FA2H: variants seen among roughly 807,000 people sequenced by gnomAD.
FA2H encodes the protein fatty acid 2-hydroxylase.
In FA2H, 22 loss-of-function variants were observed where a neutral mutation model predicts 44.9. That is an observed-to-expected ratio of 0.49 (90% CI 0.35 to 0.70). The LOEUF is 0.70. Ranked by LOEUF, FA2H falls within the 30% of genes least tolerant of loss-of-function variation. The probability of loss-of-function intolerance (pLI) is 0.01; values close to 1 mark genes in which losing one functional copy is unlikely to be tolerated. For synonymous variants in FA2H, 243 were observed against 213.2 expected (o/e 1.14, Z -1.22); for missense variants, 501 against 504.9 (o/e 0.99, Z 0.07).
At chr16:74,738,993 G>A (rs1962237189) in intron 2 of FA2H, among the ~76,000 whole-genome samples, 3 of 152,352 alleles carry the variant, frequency 2.0e-5, no homozygotes, top group Middle Eastern at 3.4e-3. Flanking sequence ...TCCCAGAGGC[G>A]GCTGTGATCT....
At chr16:74,760,810 C>T (rs551619777) in intron 1 of FA2H, among the ~76,000 whole-genome samples, 20 of 152,300 alleles carry the variant, frequency 1.3e-4, no homozygotes, top group African/African-American at 4.8e-4. Flanking sequence ...TGGTACCCCT[C>T]GGCTTAATCT....
intron 2 of FA2H, among the ~76,000 whole-genome samples, chr16:74,733,343 G>A (rs1018536174): frequency 4.6e-5 from 7 of 152,118 alleles, no homozygotes; most frequent in Non-Finnish European, 8.8e-5. Context: ...ATTCAGGCCC[G>A]CCGACCCCCG....
intron 1 of FA2H, among the ~76,000 whole-genome samples, chr16:74,752,233 C>G (rs1326961867): frequency 6.6e-6 from 1 of 152,190 alleles, no homozygotes; most frequent in Non-Finnish European, 1.5e-5. Flanking sequence ...CCCCCAAGCC[C>G]AATCTGCCCT....
At chr16:74,751,626 T>C (rs1157901892) in intron 1 of FA2H, among the ~76,000 whole-genome samples, 1 of 151,744 alleles carries the variant, frequency 6.6e-6, no homozygotes. Flanking sequence ...TGAATACACA[T>C]TCTGGTGTGA....
intron 2 of FA2H, among the ~76,000 whole-genome samples, chr16:74,734,434 C>G (rs978075000): frequency 2.0e-5 from 3 of 152,216 alleles, no homozygotes; most frequent in Non-Finnish European, 4.4e-5. Context: ...ACCAACGGGC[C>G]GGGGCCCAGG....
At chr16:74,764,988 C>G (rs993562777) in intron 1 of FA2H, among the ~76,000 whole-genome samples, 1 of 152,076 alleles carries the variant, frequency 6.6e-6, no homozygotes, top group Non-Finnish European at 1.5e-5. Context: ...GAAGGAGACT[C>G]ATGGGACGGG....
intron 1 of FA2H, among the ~76,000 whole-genome samples, chr16:74,751,733 G>C (rs1297529271): frequency 1.3e-5 from 2 of 152,118 alleles, no homozygotes; most frequent in Non-Finnish European, 2.9e-5. Context: ...ATCCCAGAGA[G>C]AAATGCCTAT....
At chr16:74,765,452 C>T (rs1038216577) in intron 1 of FA2H, among the ~76,000 whole-genome samples, 8 of 151,626 alleles carry the variant, frequency 5.3e-5, no homozygotes, top group Admixed American at 1.3e-4. Context: ...CCACCGTGCC[C>T]GGCTATGTTT....
intron 4 of FA2H, among the ~76,000 whole-genome samples, chr16:74,720,508 CTTATCT>C (rs1961812964): frequency 1.3e-5 from 2 of 152,010 alleles, no homozygotes; most frequent in Admixed American, 1.3e-4. Context: ...TCCTCATCCT[CTTATCT>C]TTGTTTCTTT....
At chr16:74,739,666 C>T (rs555804085) in intron 2 of FA2H, among the ~76,000 whole-genome samples, 4 of 152,318 alleles carry the variant, frequency 2.6e-5, no homozygotes, top group Non-Finnish European at 5.9e-5. Flanking sequence ...GGCAGCTCTA[C>T]CTTGTGCCCT....
intron 1 of FA2H, among the ~76,000 whole-genome samples, chr16:74,768,343 G>T (rs770876126): frequency 6.6e-5 from 10 of 152,194 alleles, no homozygotes; most frequent in Non-Finnish European, 1.5e-4. Flanking sequence ...TGCTGACCCT[G>T]GGGTGGCCAT....
intron 2 of FA2H, among the ~76,000 whole-genome samples, chr16:74,731,456 C>T (rs2240247): frequency 0.23 from 34,225 of 152,050 alleles, 4,961 homozygotes; most frequent in African/African-American, 0.41. Context: ...CTCTGCCTTT[C>T]AATTGAAGCA....
At chr16:74,774,374 G>T in intron 1 of FA2H, 112 bp downstream of exon 1, 1 of 1,050,330 alleles carries the variant, frequency 9.5e-7, no homozygotes, top group Non-Finnish European at 1.3e-6. Context: ...GGGAAGGGAG[G>T]GCAGAAGCTG....
intron 1 of FA2H, chr16:74,741,403 C>T (rs1225891250): frequency 6.6e-6 from 1 of 152,206 alleles, no homozygotes; most frequent in African/African-American, 2.4e-5. Context: ...TAAAAGTCGG[C>T]TTTTGTGGTC....
chr16:74,746,164 G>C (rs550273497), intron 1 of FA2H, among the ~76,000 whole-genome samples: 1 of 152,184 alleles, frequency 6.6e-6, no homozygotes, highest in South Asian at 2.1e-4. Context: ...AAATAGAGGG[G>C]CCACACCCTG....
At chr16:74,718,887 C>G (rs550325957) in intron 5 of FA2H, 101 bp downstream of exon 5, 176 of 1,398,606 alleles carry the variant, frequency 1.3e-4, no homozygotes, top group South Asian at 8.5e-4. Context: ...AACCCACAGC[C>G]AGACTCCCAG....
intron 1 of FA2H, among the ~76,000 whole-genome samples, chr16:74,743,203 T>C (rs550514132): frequency 6.6e-6 from 1 of 152,342 alleles, no homozygotes; most frequent in East Asian, 1.9e-4. Context: ...CATTCTGTTT[T>C]TATGAGCATT....
intron 1 of FA2H, among the ~76,000 whole-genome samples, chr16:74,767,014 TA>T (rs879645058): frequency 1.2e-3 from 168 of 144,016 alleles, no homozygotes; most frequent in Admixed American, 1.7e-3. Context: ...TTACCTAGGT[TA>T]AAAAAAAAAA....
At chr16:74,725,992 T>C in intron 4 of FA2H, 2 of 516,222 alleles carry the variant, frequency 3.9e-6, no homozygotes, top group Non-Finnish European at 3.5e-6. Context: ...TGCCACCCGA[T>C]GATTCCATTT....
Sources: allele counts gnomAD v4.1 joint callset (sites outside exome capture counted in the v4.1 genomes callset), GRCh38; gene constraint gnomAD v4.1.1; transcripts MANE v1.5; gene names NCBI Gene and HGNC (gene_info 2026-07-23, HGNC 2026-07-21).